Variants in PDE4D observed in about 807,000 individuals in gnomAD.
The protein encoded by PDE4D is phosphodiesterase 4D.
Under a neutral mutation model 87.4 loss-of-function variants are expected in PDE4D, and 24 were observed. The observed-to-expected ratio is 0.27, with a 90% confidence interval of 0.20 to 0.39. The LOEUF (loss-of-function observed/expected upper bound fraction) is 0.39. PDE4D is among the 10% of genes least tolerant of loss of function. PDE4D has a pLI of 1.00. For missense variants in PDE4D, 714 were observed against 1,041.0 expected (o/e 0.69, Z 4.32); for synonymous variants, 384 against 383.2 (o/e 1.00, Z -0.02).
intron 1 of PDE4D, among the ~76,000 whole-genome samples, chr5:60,480,041 C>G (rs1438317848): frequency 6.6e-6 from 1 of 152,302 alleles, no homozygotes; most frequent in African/African-American, 2.4e-5. Context: ...AGGGCTGATG[C>G]AGTAGAGCAG....
chr5:60,237,928 C>T lies in PDE4D; in HGVS notation c.-89-52241G>A, dbSNP rs374782429. Among the ~76,000 whole-genome samples, 19 of 151,918 alleles carry T rather than the reference C, an allele frequency of 1.3e-4. No individual in the cohort carries two copies. The South Asian group carries it at 1.9e-3, about 15-fold the overall frequency. On this transcript the variant is annotated intron_variant, in intron 1 of 16. Transcript: ENST00000502484. ...TGTTGGGGAAAAAAACAAACAATTCCGTTAGATTTGAAAGCCCAGTGTATC... is the reference window on the plus strand; with the variant it reads ...TGTTGGGGAAAAAAACAAACAATTCTGTTAGATTTGAAAGCCCAGTGTATC...
chr5:59,245,870 C>A (rs1561801140), intron 1 of PDE4D, among the ~76,000 whole-genome samples: 2 of 152,060 alleles, frequency 1.3e-5, no homozygotes. Context: ...ATGGAAAAAT[C>A]AGCTTGATTC....
In PDE4D at chr5:58,975,896, AAC is replaced by A. The variant is rs1554033688; in HGVS notation, c.1831-59_1831-58del. 7 of 1,257,628 alleles carry A rather than the reference AAC, an allele frequency of 5.6e-6. No individual in the cohort carries two copies. The African/African-American group carries it at 9.7e-5, about 17-fold the overall frequency. The allele number at this position is 1,257,628 out of a possible 1,614,324, so 77.9% of individuals were successfully genotyped here. A position where few individuals can be genotyped will look rare whatever the true frequency, so the allele number is the denominator to read the frequency against. On this transcript the variant is annotated intron_variant, in intron 13 of 14. Transcript: ENST00000340635. The surrounding 1 kb of genome is among the most constrained non-coding windows in gnomAD (Gnocchi z 4.2). The stretch of plus-strand genomic sequence containing the variant: ...CCTGTTCCTTTTTTTTAAAAAAAAA[AAC>A]AAAAAAAACTAGAAATTCACATTGG...
chr5:60,353,983 CATGGTAA>C (rs1292881624), intron 1 of PDE4D, among the ~76,000 whole-genome samples: 2 of 152,070 alleles, frequency 1.3e-5, no homozygotes, highest in African/African-American at 2.4e-5. Flanking sequence ...GAATGAACAT[CATGGTAA>C]CTATTCTGGA....
intron 6 of PDE4D, among the ~76,000 whole-genome samples, chr5:59,035,155 G>A (rs1003905710): frequency 6.6e-6 from 1 of 152,156 alleles, no homozygotes; most frequent in African/African-American, 2.4e-5. Flanking sequence ...CTGCTTAAAA[G>A]GTGTTTTACT....
chr5:60,203,086 C>T (rs981309839), intron 1 of PDE4D, among the ~76,000 whole-genome samples: 2 of 152,208 alleles, frequency 1.3e-5, no homozygotes, highest in Non-Finnish European at 2.9e-5. Context: ...GATTCTTCTG[C>T]CTAGCCTGCT....
At position 60,429,920 on chromosome 5, in the gene PDE4D, C is replaced by T. The variant is rs191336169; in HGVS notation, c.-90+58022G>A. The T allele has an allele frequency of 8.4e-4, 359 of 429,664 alleles. 2 individuals are homozygous for T. The highest frequency in any genetic ancestry group is 2.0e-4 in the Non-Finnish European group (44 of 216,408). The allele number at this position is 429,664 out of a possible 1,614,324, so 26.6% of individuals were successfully genotyped here. On this transcript the variant is annotated intron_variant, in intron 1 of 16. Coordinates refer to the PDE4D transcript ENST00000502484. ...ATTAGCAGTTAGTTCACATTCACACCGACTGTAGATTTTTTTAAAGTGGTA... is the reference window on the plus strand; with the variant it reads ...ATTAGCAGTTAGTTCACATTCACACTGACTGTAGATTTTTTTAAAGTGGTA...
At chr5:60,008,782 T>C (rs1252086906) in intron 2 of PDE4D, among the ~76,000 whole-genome samples, 1 of 152,094 alleles carries the variant, frequency 6.6e-6, no homozygotes, top group Admixed American at 6.6e-5. Flanking sequence ...ATGTCTCACC[T>C]TTGCTCCTAT....
At chr5:58,980,686 G>GGGGGGAAGC (rs888518226) in intron 11 of PDE4D, among the ~76,000 whole-genome samples, 8 of 111,202 alleles carry the variant, frequency 7.2e-5, no homozygotes, top group Admixed American at 1.9e-4. Flanking sequence ...CTAATGAAAT[G>GGGGGGAAGC]GGGGGAAGGG....
At chr5:60,516,480 C>G (rs1427790365) in intron 1 of PDE4D, among the ~76,000 whole-genome samples, 2 of 152,128 alleles carry the variant, frequency 1.3e-5, no homozygotes, top group African/African-American at 4.8e-5. Context: ...TGGTTCAGGA[C>G]CACCCTTTCC....
At chr5:60,335,881 G>T (rs890501296) in intron 1 of PDE4D, among the ~76,000 whole-genome samples, 2 of 152,298 alleles carry the variant, frequency 1.3e-5, no homozygotes, top group East Asian at 1.9e-4. Flanking sequence ...AGAAACCAAA[G>T]ATGCTATTTT....
At chr5:60,426,696 T>C (rs1180392823) in intron 1 of PDE4D, among the ~76,000 whole-genome samples, 1 of 151,890 alleles carries the variant, frequency 6.6e-6, no homozygotes, top group African/African-American at 2.4e-5. Flanking sequence ...AAAATGAAAA[T>C]ATGATACATA....
intron 2 of PDE4D, among the ~76,000 whole-genome samples, chr5:60,028,859 C>T (rs1398003858): frequency 2.6e-5 from 4 of 152,116 alleles, no homozygotes; most frequent in Admixed American, 1.3e-4. Flanking sequence ...CCCTGTTTTG[C>T]CTCAAGGCCA....
At chr5:60,382,457 C>T (rs965613486) in intron 1 of PDE4D, among the ~76,000 whole-genome samples, 21 of 152,158 alleles carry the variant, frequency 1.4e-4, no homozygotes, top group South Asian at 4.1e-4. Context: ...ACACCAAGAG[C>T]ATCGGACTCA....
chr5:58,985,064 C>T lies in PDE4D; in HGVS notation c.1552+3429G>A, dbSNP rs533251032. Among the ~76,000 whole-genome samples the T allele has an allele frequency of 6.6e-5, 10 of 152,198 alleles. No homozygotes were observed. The East Asian group carries it at 1.9e-3, about 29-fold the overall frequency. ...GGCTGGGAATACAGGCATGCGCCAC[C>T]ACACCTGGCTAATTTTTTTGTATTT... On this transcript the variant is annotated intron_variant, in intron 11 of 14. Coordinates refer to ENST00000340635, the MANE Select transcript of PDE4D (RefSeq NM_001104631.2).
intron 1 of PDE4D, among the ~76,000 whole-genome samples, chr5:59,526,699 C>G (rs2153677104): frequency 6.6e-6 from 1 of 152,300 alleles, no homozygotes; most frequent in South Asian, 2.1e-4. Flanking sequence ...TCTCGGCTCA[C>G]AGCAACCTCT....
chr5:59,400,634 G>A (rs1324220406), intron 1 of PDE4D, among the ~76,000 whole-genome samples: 3 of 151,000 alleles, frequency 2.0e-5, no homozygotes, highest in African/African-American at 7.3e-5. Context: ...CTTAATGCTA[G>A]ATGACGAGTT....
At chr5:59,456,957 T>G (rs1273531959) in intron 1 of PDE4D, among the ~76,000 whole-genome samples, 1 of 152,128 alleles carries the variant, frequency 6.6e-6, no homozygotes, top group Admixed American at 6.5e-5. Context: ...AAGAAAGTGG[T>G]TTCTCAAGAT....
chr5:59,427,777 T>C lies in PDE4D; in HGVS notation c.456-211809A>G, dbSNP rs538335631. On this transcript the variant is annotated intron_variant, in intron 1 of 14. Transcript: ENST00000340635. ...CTAGGCTGCCCTGATCTATGATTGC[T>C]ACTGCACTCCAGTCTGGCCAACAGA... 7.7e-5 allele frequency among the ~76,000 whole-genome samples: 11 copies of C among 143,530 alleles called. No homozygotes were observed. In the East Asian group the frequency reaches 1.6e-3, roughly 21 times the overall value. The allele number at this position is 143,530 out of a possible 152,430, so 94.2% of individuals were successfully genotyped here. A position where few individuals can be genotyped will look rare whatever the true frequency, so the allele number is the denominator to read the frequency against.
Sources: gnomAD v4.1 joint callset for allele counts (sites outside exome capture counted in the v4.1 genomes callset) on GRCh38, gnomAD v4.1.1 for gene constraint, Gnocchi (gnomAD v3.1) non-coding constraint, MANE v1.5 for transcripts, NCBI Gene and HGNC (gene_info 2026-07-23, HGNC 2026-07-21) for gene names.